CPEB1: variants seen among roughly 807,000 people sequenced by gnomAD.
CPEB1 encodes the protein cytoplasmic polyadenylation element binding protein 1.
Under a neutral mutation model 65.8 loss-of-function variants are expected in CPEB1, and 7 were observed. The observed-to-expected ratio is 0.11, with a 90% CI of 0.06 to 0.20. The LOEUF (loss-of-function observed/expected upper bound fraction) is 0.20, where lower values mean the gene tolerates loss of function less well. CPEB1 is among the 10% of genes least tolerant of loss of function. The probability of loss-of-function intolerance (pLI) is 1.00; values close to 1 mark genes in which losing one functional copy is unlikely to be tolerated. For missense variants in CPEB1, 551 were observed against 712.2 expected, an observed-to-expected ratio of 0.77 and a Z score of 2.58; for synonymous variants, 262 against 260.0, an observed-to-expected ratio of 1.01 and a Z score of -0.08.
chr15:82,604,127 T>A (rs183190725), intron 3 of CPEB1, among the ~76,000 whole-genome samples: 14 of 152,152 alleles, frequency 9.2e-5, no homozygotes, highest in Non-Finnish European at 1.5e-5. Flanking sequence ...GAACGAAGGA[T>A]CACTTGAGGC....
At chr15:82,609,440 G>T (rs1233872006) in intron 3 of CPEB1, among the ~76,000 whole-genome samples, 1 of 151,988 alleles carries the variant, frequency 6.6e-6, no homozygotes, top group African/African-American at 2.4e-5. Context: ...GGTCGCGGCT[G>T]CAGTGAGCTG....
intron 4 of CPEB1, among the ~76,000 whole-genome samples, chr15:82,567,476 TA>T (rs1001292395): frequency 1.6e-4 from 23 of 147,002 alleles, no homozygotes; most frequent in Non-Finnish European, 1.5e-4. Context: ...GTCTCTACTT[TA>T]AAAAAAAAAA....
chr15:82,586,980 C>T (rs532205842), intron 3 of CPEB1, among the ~76,000 whole-genome samples: 8 of 152,236 alleles, frequency 5.3e-5, no homozygotes, highest in Admixed American at 1.3e-4. Context: ...GAAGGAATTG[C>T]AATTGTCTTT....
At chr15:82,555,787 T>C (rs2037094205) in intron 6 of CPEB1, 83 bp downstream of exon 6, 6 of 1,483,692 alleles carry the variant, frequency 4.0e-6, no homozygotes, top group Non-Finnish European at 5.5e-6. Flanking sequence ...TCTAGACAGT[T>C]CACAAGTGTG....
intron 4 of CPEB1, among the ~76,000 whole-genome samples, chr15:82,568,395 G>A (rs1024685231): frequency 6.6e-6 from 1 of 152,120 alleles, no homozygotes; most frequent in African/African-American, 2.4e-5. Context: ...TAGCACTGGG[G>A]TATGAGAAAA....
At chr15:82,555,771 G>C (rs1173216522) in intron 6 of CPEB1, 99 bp downstream of exon 6, 1 of 1,299,102 alleles carries the variant, frequency 7.7e-7, no homozygotes, top group Admixed American at 2.7e-5. Flanking sequence ...ATGCAACCAA[G>C]CCTCCTCTAG....
rs563487495 is a variant in CPEB1 at position 82,594,384 on chromosome 15, G to A, written c.272-22852C>T. 2.1e-5 allele frequency among the ~76,000 whole-genome samples: 3 copies of A among 145,012 alleles called. No individual in the cohort carries two copies. The South Asian group carries it at 6.7e-4, about 32-fold the overall frequency. On this transcript the variant is annotated intron_variant, in intron 3 of 12. Transcript: ENST00000684509. ...CAAAAAAAAAGAAAAGAAAAGAAAAGAAAAAGAAAAACCTCATGAACCAAC... is the reference window on the plus strand; with the variant it reads ...CAAAAAAAAAGAAAAGAAAAGAAAAAAAAAAGAAAAACCTCATGAACCAAC...
chr15:82,572,980 A>G, intron 3 of CPEB1: 1 of 1,447,434 alleles, frequency 6.9e-7, no homozygotes, highest in Non-Finnish European at 9.1e-7. Context: ...GGGTAGGGCA[A>G]CAGGCCCAGA....
In CPEB1 at chr15:82,628,414, T is replaced by C. The variant is rs1024327013; in HGVS notation, c.46A>G (p.Thr16Ala). The change falls in exon 2 of 13, where the codon ACT becomes GCT. Residue 16 changes from threonine (T) to alanine (A), a missense_variant. Physicochemically the swap from Thr to Ala is moderately conservative, Grantham distance 58. Around this residue, in one of 6 missense-constraint regions of CPEB1, gnomAD observed 223 missense variants for 228.6 expected, o/e 0.98. Coordinates refer to ENST00000684509, the MANE Select transcript of CPEB1 (RefSeq NM_001365242.1). ...ATSTSSSMSG[T>A]GLEHSSLSDC... is the part of the protein sequence containing the mutation. ...GATAGAGATGAGTGCTCCAAACCAG[T>C]GCCAGACATGGAAGACGATGTTGAA... 10 of 702,754 alleles carry C rather than the reference T, an allele frequency of 1.4e-5. No homozygotes were observed. In the African/African-American group the frequency reaches 1.7e-4, roughly 12 times the overall value. 43.5% of individuals were successfully genotyped at this position (702,754 alleles called of 1,614,324 possible).
intron 1 of CPEB1, chr15:82,629,394 T>C (rs1472091735): frequency 2.1e-5 from 21 of 985,078 alleles, no homozygotes; most frequent in South Asian, 9.4e-5. Context: ...ACATACAACT[T>C]TATTAACTGG....
chr15:82,576,367 G>A (rs1376803357), intron 3 of CPEB1, among the ~76,000 whole-genome samples: 2 of 152,182 alleles, frequency 1.3e-5, no homozygotes, highest in East Asian at 1.9e-4. Context: ...ATTTTGATGA[G>A]AGTGAGGATA....
chr15:82,631,112 G>A (rs977974290), intron 1 of CPEB1, among the ~76,000 whole-genome samples: 4 of 152,032 alleles, frequency 2.6e-5, no homozygotes, highest in African/African-American at 9.7e-5. Flanking sequence ...TGCAGACTTG[G>A]GAGTCTGGGA....
At chr15:82,624,008 C>T (rs1272097096) in intron 3 of CPEB1, among the ~76,000 whole-genome samples, 1 of 152,198 alleles carries the variant, frequency 6.6e-6, no homozygotes, top group African/African-American at 2.4e-5. Context: ...CTGATTATTT[C>T]CTTCAAGGAA....
Position 82,562,160 on chromosome 15 carries a change from T to C in CPEB1, c.461-4174A>G, listed in dbSNP as rs989751686. 8.9e-6 allele frequency: 4 copies of C among 448,122 alleles called. No homozygotes were observed. The Admixed American group carries it at 9.8e-5, about 11-fold the overall frequency. 27.8% of individuals were successfully genotyped at this position (448,122 alleles called of 1,614,324 possible). On this transcript the variant is annotated intron_variant, in intron 4 of 12. Transcript: ENST00000684509. ...AAGTACCATTCACTAGCTACTTTTT[T>C]TTTTTTTTTTAATCTTTAGGACTTC...
Position 82,644,087 on chromosome 15 carries a change from T to C in CPEB1, c.-98+3050A>G, listed in dbSNP as rs587753601. ...GGGAGGAGCCTGCCTTCCCCAGACC[T>C]CCGGCTCTCAGGATCAGCTAACTGC... On this transcript the variant is annotated intron_variant, in intron 1 of 12. Coordinates refer to ENST00000684509, the MANE Select transcript of CPEB1 (RefSeq NM_001365242.1). Among the ~76,000 whole-genome samples the C allele has an allele frequency of 1.8e-3, 268 of 152,280 alleles. 1 individual carries two copies. The highest frequency in any genetic ancestry group is 3.5e-3 in the Non-Finnish European group (235 of 68,006).
chr15:82,563,503 AT>A (rs373097628), intron 4 of CPEB1, among the ~76,000 whole-genome samples: 43,556 of 134,604 alleles, frequency 0.32, 6,546 homozygotes, highest in African/African-American at 0.35. Flanking sequence ...TGTCTGACTA[AT>A]TTTTTTTTTT....
chr15:82,572,432 C>G (rs1408524900), intron 3 of CPEB1, among the ~76,000 whole-genome samples: 1 of 152,090 alleles, frequency 6.6e-6, no homozygotes, highest in Non-Finnish European at 1.5e-5. Flanking sequence ...CCAGGTACAC[C>G]TCAAAGGACA....
chr15:82,617,731 T>G (rs987909919), intron 3 of CPEB1, among the ~76,000 whole-genome samples: 9 of 125,376 alleles, frequency 7.2e-5, no homozygotes, highest in East Asian at 6.7e-4. Context: ...AAAGTTTTTT[T>G]TTTTTTTTTT....
chr15:82,588,280 C>T (rs2041960522), intron 3 of CPEB1, among the ~76,000 whole-genome samples: 1 of 152,084 alleles, frequency 6.6e-6, no homozygotes, highest in African/African-American at 2.4e-5. Context: ...TTCATCCCCA[C>T]ATTAAGAGTT....
Sources: gnomAD v4.1 joint callset for allele counts (sites outside exome capture counted in the v4.1 genomes callset) on GRCh38, gnomAD v4.1.1 for gene constraint, gnomAD v4.1.1 regional missense constraint, MANE v1.5 for transcripts, NCBI Gene and HGNC (gene_info 2026-07-23, HGNC 2026-07-21) for gene names.